FAM210A: variants seen among roughly 807,000 people sequenced by gnomAD.
FAM210A encodes family with sequence similarity 210 member A.
Under a neutral mutation model 25.3 loss-of-function variants are expected in FAM210A, and 13 were observed. That is an observed-to-expected ratio of 0.51 (90% CI 0.33 to 0.82). The LOEUF (loss-of-function observed/expected upper bound fraction) is 0.82, where lower values mean the gene tolerates loss of function less well. Ranked by LOEUF, FAM210A falls within the 40% of genes least tolerant of loss-of-function variation. The pLI is 0.02. For missense variants in FAM210A, 319 were observed against 323.2 expected, an observed-to-expected ratio of 0.99 and a Z score of 0.10; for synonymous variants, 125 against 118.7, an observed-to-expected ratio of 1.05 and a Z score of -0.35.
At chr18:13,684,353 C>T (rs921412296) in intron 1 of FAM210A, among the ~76,000 whole-genome samples, 1 of 151,708 alleles carries the variant, frequency 6.6e-6, no homozygotes, top group Admixed American at 6.6e-5. Flanking sequence ...GACCCGAGGT[C>T]GCGCCACTGC....
intron 3 of FAM210A, among the ~76,000 whole-genome samples, 169 bp downstream of exon 3, chr18:13,671,690 CAAA>C (rs59667158): frequency 1.1e-4 from 9 of 79,482 alleles, no homozygotes; most frequent in African/African-American, 1.9e-4. Context: ...ACTCCATCTC[CAAA>C]AAAAAAAAAA....
intron 1 of FAM210A, among the ~76,000 whole-genome samples, chr18:13,691,752 G>A (rs1182869539): frequency 6.9e-6 from 1 of 144,428 alleles, no homozygotes; most frequent in African/African-American, 2.6e-5. Flanking sequence ...CCTGAAGGAG[G>A]CACTAAACAT....
chr18:13,689,451 T>C (rs2043624383), intron 1 of FAM210A, among the ~76,000 whole-genome samples: 1 of 152,172 alleles, frequency 6.6e-6, no homozygotes, highest in Non-Finnish European at 1.5e-5. Context: ...CCAACACCTA[T>C]TCATGATTAA....
intron 1 of FAM210A, among the ~76,000 whole-genome samples, chr18:13,709,991 C>A (rs1187874242): frequency 6.6e-6 from 1 of 152,148 alleles, no homozygotes; most frequent in Non-Finnish European, 1.5e-5. Flanking sequence ...CTCACTTGTT[C>A]CTGGGTGTAG....
intron 1 of FAM210A, chr18:13,697,518 G>T: frequency 6.1e-6 from 1 of 164,404 alleles, no homozygotes; most frequent in Non-Finnish European, 1.3e-5. Flanking sequence ...GAGTTTAACA[G>T]GTTCTTAAAA....
intron 1 of FAM210A, among the ~76,000 whole-genome samples, chr18:13,691,100 G>A (rs897334321): frequency 3.3e-5 from 5 of 152,152 alleles, no homozygotes; most frequent in Non-Finnish European, 7.3e-5. Context: ...CGAGAACTAC[G>A]TGACGTGTGC....
chr18:13,700,427 G>C (rs1326481576), intron 1 of FAM210A, among the ~76,000 whole-genome samples: 1 of 152,140 alleles, frequency 6.6e-6, no homozygotes, highest in East Asian at 1.9e-4. Flanking sequence ...TCTGACACCG[G>C]ACCTTTTAAC....
At chr18:13,685,299 T>TTC (rs1017993773) in intron 1 of FAM210A, among the ~76,000 whole-genome samples, 10 of 152,090 alleles carry the variant, frequency 6.6e-5, no homozygotes, top group African/African-American at 2.4e-4. Flanking sequence ...AAGCCATTTT[T>TTC]TTTTTTTTTT....
In FAM210A at chr18:13,666,438, G is replaced by T; in HGVS notation, c.*42C>A. 1 of 1,514,382 alleles carries T rather than the reference G, an allele frequency of 6.6e-7. No homozygotes were observed. Among genetic ancestry groups the T allele is most frequent in the Non-Finnish European group, 9.1e-7 (1 of 1,100,100 alleles). The allele number at this position is 1,514,382 out of a possible 1,614,324, so 93.8% of individuals were successfully genotyped here. A position where few individuals can be genotyped will look rare whatever the true frequency, so the allele number is the denominator to read the frequency against. On this transcript the variant is annotated 3_prime_UTR_variant, in exon 4 of 4. Coordinates refer to ENST00000651643, the MANE Select transcript of FAM210A (RefSeq NM_152352.4). ...GTATCTTTGCCCATAGTTTCCAAAG[G>T]GTTAAAGTGCAGGAATTTTCTATAC... is the stretch of plus-strand genomic sequence containing the variant.
chr18:13,706,845 T>C (rs547784682), intron 1 of FAM210A, among the ~76,000 whole-genome samples: 2 of 152,342 alleles, frequency 1.3e-5, no homozygotes, highest in South Asian at 4.1e-4. Flanking sequence ...AAAATTCCGT[T>C]GTAGGGGATT....
At chr18:13,676,963 C>G (rs1186608177) in intron 2 of FAM210A, among the ~76,000 whole-genome samples, 1 of 152,146 alleles carries the variant, frequency 6.6e-6, no homozygotes, top group African/African-American at 2.4e-5. Context: ...GACAAAACCC[C>G]GCAGACACTG....
chr18:13,676,767 G>A (rs1378583559), intron 2 of FAM210A, among the ~76,000 whole-genome samples: 1 of 152,182 alleles, frequency 6.6e-6, no homozygotes. Flanking sequence ...AGGGCAGCAT[G>A]CAGGCTGGCT....
intron 2 of FAM210A, 29 bp from the exon 3 acceptor site, chr18:13,672,002 T>C (rs906324871): frequency 1.4e-6 from 2 of 1,443,548 alleles, no homozygotes; most frequent in Non-Finnish European, 1.9e-6. Flanking sequence ...AATTTTCATA[T>C]GTACAAACTT....
At chr18:13,722,642 T>C (rs568567636) in intron 1 of FAM210A, among the ~76,000 whole-genome samples, 5 of 152,290 alleles carry the variant, frequency 3.3e-5, no homozygotes, top group East Asian at 1.9e-4. Context: ...CTCATTTTAA[T>C]AGCAGACCAA....
At chr18:13,716,283 C>G (rs1027208599) in intron 1 of FAM210A, among the ~76,000 whole-genome samples, 3 of 152,202 alleles carry the variant, frequency 2.0e-5, no homozygotes, top group Non-Finnish European at 2.9e-5. Context: ...ATCCTCTCCC[C>G]TCTTCCCTCT....
At chr18:13,700,873 C>T (rs868424159) in intron 1 of FAM210A, among the ~76,000 whole-genome samples, 7 of 152,152 alleles carry the variant, frequency 4.6e-5, no homozygotes, top group African/African-American at 7.2e-5. Flanking sequence ...GCTAAGTGTT[C>T]GAATAAGGCA....
At chr18:13,709,513 T>G (rs1029231083) in intron 1 of FAM210A, among the ~76,000 whole-genome samples, 2 of 152,254 alleles carry the variant, frequency 1.3e-5, no homozygotes, top group African/African-American at 4.8e-5. Flanking sequence ...AAAGCCTACC[T>G]TGACCATCTT....
chr18:13,671,705 A>T (rs1031008412), intron 3 of FAM210A, among the ~76,000 whole-genome samples, 157 bp downstream of exon 3: 25 of 152,186 alleles, frequency 1.6e-4, no homozygotes, highest in African/African-American at 5.3e-4. Flanking sequence ...AAAAAAAAAA[A>T]AAAATTATCT....
At chr18:13,723,409 G>C (rs148417499) in intron 1 of FAM210A, among the ~76,000 whole-genome samples, 1 of 152,288 alleles carries the variant, frequency 6.6e-6, no homozygotes, top group East Asian at 1.9e-4. Context: ...TCTACATATA[G>C]ACAGATACAG....
Sources: gnomAD v4.1 joint callset for allele counts (sites outside exome capture counted in the v4.1 genomes callset) on GRCh38, gnomAD v4.1.1 for gene constraint, MANE v1.5 for transcripts, NCBI Gene and HGNC (gene_info 2026-07-23, HGNC 2026-07-21) for gene names.